Variants in ZNF438 observed in about 807,000 individuals in gnomAD.
ZNF438 encodes zinc finger protein 438.
A neutral mutation model predicts 38.0 loss-of-function variants in ZNF438; 25 were observed. The observed-to-expected ratio is 0.66, with a 90% CI of 0.48 to 0.92. The LOEUF is 0.92. Among genes scored for constraint, ZNF438 ranks in the 40% least tolerant of loss-of-function variants. The pLI, the probability that ZNF438 is intolerant of heterozygous loss-of-function variation, is 0.00. For synonymous variants in ZNF438, 372 were observed against 364.1 expected (o/e 1.02, Z -0.25); for missense variants, 1,007 against 999.6 (o/e 1.01, Z -0.10).
intron 1 of ZNF438, among the ~76,000 whole-genome samples, chr10:31,014,341 C>T (rs892531909): frequency 3.3e-5 from 5 of 152,178 alleles, no homozygotes; most frequent in African/African-American, 1.2e-4. Flanking sequence ...CCAGCATGGT[C>T]GCTTTCTGAT....
intron 4 of ZNF438, among the ~76,000 whole-genome samples, chr10:30,863,836 C>A (rs901757136): frequency 1.3e-5 from 2 of 152,216 alleles, no homozygotes; most frequent in East Asian, 1.9e-4. Flanking sequence ...GCTGGCCCCA[C>A]CTTGTGCTCT....
intron 5 of ZNF438, 31 bp downstream of exon 6, chr10:30,848,500 C>A (rs1359189142): frequency 6.3e-7 from 1 of 1,578,406 alleles, no homozygotes; most frequent in South Asian, 1.2e-5. Context: ...AACAGACTCT[C>A]TTGCCAGGTC....
chr10:30,873,837 T>G (rs534752616), intron 4 of ZNF438, among the ~76,000 whole-genome samples: 12 of 152,256 alleles, frequency 7.9e-5, no homozygotes, highest in Non-Finnish European at 1.5e-4. Context: ...GTACAGCATA[T>G]TTTCCTTAAT....
intron 2 of ZNF438, among the ~76,000 whole-genome samples, chr10:30,924,219 G>A (rs1000272681): frequency 3.3e-5 from 5 of 152,180 alleles, no homozygotes; most frequent in African/African-American, 1.2e-4. Flanking sequence ...ATGTTGCACT[G>A]CACAGAAAGC....
chr10:30,949,287 T>C (rs537001281), intron 1 of ZNF438, among the ~76,000 whole-genome samples: 1 of 152,238 alleles, frequency 6.6e-6, no homozygotes, highest in South Asian at 2.1e-4. Flanking sequence ...TACCAGCCAC[T>C]GCAAAATCAT....
chr10:30,886,546 C>T (rs1308492766), intron 3 of ZNF438, among the ~76,000 whole-genome samples: 1 of 152,176 alleles, frequency 6.6e-6, no homozygotes, highest in Non-Finnish European at 1.5e-5. Flanking sequence ...ACTTAGCCTA[C>T]CTTAAACATG....
chr10:30,966,081 C>T (rs997796693), intron 1 of ZNF438, among the ~76,000 whole-genome samples: 5 of 152,052 alleles, frequency 3.3e-5, no homozygotes, highest in Non-Finnish European at 7.4e-5. Flanking sequence ...CTAAAATTAC[C>T]CAGCACTTTG....
chr10:30,922,535 T>A (rs756623755), intron 2 of ZNF438, among the ~76,000 whole-genome samples: 1 of 152,150 alleles, frequency 6.6e-6, no homozygotes, highest in Non-Finnish European at 1.5e-5. Context: ...AGGTATAAAT[T>A]AAGAAAAACC....
At chr10:31,019,396 AT>A (rs2056432284) in intron 1 of ZNF438, among the ~76,000 whole-genome samples, 1 of 152,254 alleles carries the variant, frequency 6.6e-6, no homozygotes, top group Non-Finnish European at 1.5e-5. Flanking sequence ...TAAATAACAT[AT>A]TTGCAACCTT....
chr10:30,893,224 T>C (rs1220830065), intron 3 of ZNF438, among the ~76,000 whole-genome samples: 5 of 152,206 alleles, frequency 3.3e-5, no homozygotes, highest in Non-Finnish European at 7.3e-5. Flanking sequence ...GCCTATGTAA[T>C]TGTCTCAACT....
chr10:30,930,253 A>G (rs1356572633), intron 2 of ZNF438, among the ~76,000 whole-genome samples: 2 of 152,070 alleles, frequency 1.3e-5, no homozygotes, highest in Non-Finnish European at 2.9e-5. Flanking sequence ...CAAGAATTCA[A>G]GCACGACGTG....
chr10:31,006,394 C>T (rs1382102231), intron 1 of ZNF438, among the ~76,000 whole-genome samples: 1 of 152,178 alleles, frequency 6.6e-6, no homozygotes, highest in Non-Finnish European at 1.5e-5. Flanking sequence ...GTTTGGAGAG[C>T]TTTCAAATAG....
At chr10:30,896,736 A>G (rs567061525) in intron 3 of ZNF438, among the ~76,000 whole-genome samples, 1 of 152,260 alleles carries the variant, frequency 6.6e-6, no homozygotes, top group South Asian at 2.1e-4. Context: ...CAGTTTTACA[A>G]GATGAAAAAT....
intron 1 of ZNF438, among the ~76,000 whole-genome samples, chr10:31,023,605 A>C (rs2056754813): frequency 6.6e-6 from 1 of 152,214 alleles, no homozygotes; most frequent in African/African-American, 2.4e-5. Flanking sequence ...TTGACATAAA[A>C]AGTACGTATT....
chr10:30,870,118 G>A (rs573180048), intron 4 of ZNF438, among the ~76,000 whole-genome samples: 22 of 152,162 alleles, frequency 1.4e-4, no homozygotes, highest in Non-Finnish European at 2.6e-4. Context: ...CTTTTATTCT[G>A]TAAATTATCC....
At chr10:30,969,585 T>C (rs994725832) in intron 1 of ZNF438, among the ~76,000 whole-genome samples, 1 of 152,200 alleles carries the variant, frequency 6.6e-6, no homozygotes, top group African/African-American at 2.4e-5. Flanking sequence ...ACACTTTTGA[T>C]TGGGTTTCCA....
At chr10:30,947,275 C>CA (rs1462641920) in intron 1 of ZNF438, among the ~76,000 whole-genome samples, 1 of 152,244 alleles carries the variant, frequency 6.6e-6, no homozygotes, top group Non-Finnish European at 1.5e-5. Context: ...CTGCCCTTTT[C>CA]TCTGGCCCAC....
intron 1 of ZNF438, among the ~76,000 whole-genome samples, chr10:30,951,722 A>G (rs966695681): frequency 7.3e-5 from 11 of 151,288 alleles, no homozygotes; most frequent in Non-Finnish European, 1.5e-4. Flanking sequence ...AAGGATAACT[A>G]TAAACCACTG....
At chr10:31,014,825 T>A (rs954656799) in intron 1 of ZNF438, among the ~76,000 whole-genome samples, 2 of 148,020 alleles carry the variant, frequency 1.4e-5, no homozygotes, top group African/African-American at 5.1e-5. Context: ...CTGTTATAAT[T>A]ATATATAAAT....
Sources: allele counts gnomAD v4.1 joint callset (sites outside exome capture counted in the v4.1 genomes callset), GRCh38; gene constraint gnomAD v4.1.1; transcripts MANE v1.5; gene names NCBI Gene and HGNC (gene_info 2026-07-23, HGNC 2026-07-21).